The following SLC2A4RG variants were observed in gnomAD, a reference collection of about 807,000 sequenced individuals.
SLC2A4RG encodes GLUT4 enhancer factor.
A neutral mutation model predicts 35.5 loss-of-function variants in SLC2A4RG; 23 were observed. That is an observed-to-expected ratio of 0.65 (90% CI 0.47 to 0.92). SLC2A4RG has a LOEUF of 0.92. Ranked by LOEUF, SLC2A4RG falls within the 40% of genes least tolerant of loss-of-function variation. The pLI is 0.00. For missense variants in SLC2A4RG, 539 were observed against 525.0 expected (o/e 1.03, Z -0.26); for synonymous variants, 306 against 243.7 (o/e 1.26, Z -2.38).
chr20:63,741,540 C>G, intron 3 of SLC2A4RG, 61 bp downstream of exon 3: 2 of 1,453,592 alleles, frequency 1.4e-6, no homozygotes, highest in Non-Finnish European at 1.9e-6. Context: ...AACCTACAGC[C>G]ACCCAGCCTC....
At chr20:63,741,560 A>C (rs2092041622) in intron 3 of SLC2A4RG, 81 bp downstream of exon 3, 2 of 1,328,080 alleles carry the variant, frequency 1.5e-6, no homozygotes, top group Non-Finnish European at 2.1e-6. Flanking sequence ...CTGTGGGGCA[A>C]GCAGAGCCCT....
At position 63,740,358 on chromosome 20, in the gene SLC2A4RG, G is replaced by GC; in HGVS notation, c.127-14dup. ...CCCGGCCACCGCCTCCGCTGAGTCT[G>GC]CCCCCTCCCCATCCGCAGGGCTCTT... On this transcript the variant is annotated intron_variant, in intron 1 of 7. Coordinates refer to ENST00000266077, the MANE Select transcript of SLC2A4RG (RefSeq NM_020062.4). 1 of 1,225,012 alleles carries GC rather than the reference G, an allele frequency of 8.2e-7. No individual in the cohort carries two copies. Among genetic ancestry groups the GC allele is most frequent in the Non-Finnish European group, 1.0e-6 (1 of 982,716 alleles). The allele number at this position is 1,225,012 out of a possible 1,614,324, so 75.9% of individuals were successfully genotyped here. A position where few individuals can be genotyped will look rare whatever the true frequency, so the allele number is the denominator to read the frequency against.
Position 63,742,582 on chromosome 20 carries a change from C to CA in SLC2A4RG, c.927_928insA (p.Pro310ThrfsTer7). ...CCCCTGTCCTGAGCACCGTTGCTAA[C>CA]CCCCAGTCCTGTCACAGTGACCGTG... On this transcript the variant is annotated frameshift_variant, in exon 6 of 8. Coordinates refer to ENST00000266077, the MANE Select transcript of SLC2A4RG (RefSeq NM_020062.4). LOFTEE classifies it high-confidence loss of function. 1.9e-6 allele frequency: 3 copies of CA among 1,577,962 alleles called. No individual in the cohort carries two copies. The highest frequency in any genetic ancestry group is 2.6e-6 in the Non-Finnish European group (3 of 1,158,446).
Position 63,743,070 on chromosome 20 carries a change from A to G in SLC2A4RG, c.*80A>G, listed in dbSNP as rs1408774442. 7 of 979,144 alleles carry G rather than the reference A, an allele frequency of 7.1e-6. No homozygotes were observed. Among genetic ancestry groups the G allele is most frequent in the Middle Eastern group, 2.6e-4 (1 of 3,838 alleles). 60.7% of individuals were successfully genotyped at this position (979,144 alleles called of 1,614,324 possible). On this transcript the variant is annotated 3_prime_UTR_variant, in exon 8 of 8. Transcript: ENST00000266077. ...GGCCCGGGGCTGAAACAGCCCGAGG[A>G]CAGCCCCAGGGGCTGGCTTTCACCA... is the stretch of plus-strand genomic sequence containing the variant.
Position 63,742,706 on chromosome 20 carries a change from T to C in SLC2A4RG, c.968T>C (p.Leu323Pro). ...GGCTGTGTCTCCCTGTAGGGCTGCC[T>C]GACGCCCGCCCGCCTGGAGCCGCAG... ...CHSDRVYQGC[L>P]TPARLEPQPT... is the part of the protein sequence containing the mutation. Residue 323 changes from leucine (L) to proline (P), a missense_variant, in exon 7 of 8, where the codon CTG becomes CCG. By Grantham distance (98) the Leu-to-Pro change is moderately conservative. Coordinates refer to ENST00000266077, the MANE Select transcript of SLC2A4RG (RefSeq NM_020062.4). The C allele has an allele frequency of 1.3e-6, 2 of 1,594,710 alleles. No individual in the cohort carries two copies. Among genetic ancestry groups the C allele is most frequent in the Non-Finnish European group, 1.7e-6 (2 of 1,171,908 alleles).
At position 63,742,171 on chromosome 20, in the gene SLC2A4RG, C is replaced by T. The variant is rs768284669; in HGVS notation, c.621C>T (p.Cys207=). The T allele has an allele frequency of 2.0e-5, 32 of 1,604,588 alleles. No individual in the cohort carries two copies. Among genetic ancestry groups the T allele is most frequent in the Middle Eastern group, 3.3e-4 (2 of 6,072 alleles). The change falls in exon 5 of 8, where the codon TGC becomes TGT. Residue 207 remains cysteine (C), a synonymous_variant. Coordinates refer to ENST00000266077, the MANE Select transcript of SLC2A4RG (RefSeq NM_020062.4). Reference sequence around the variant, plus strand: ...TGTTCCAGTGTCTGTGGAAGAGCTGCGGGAAGGTGCTGAGCACGGCGTCGG... The same window carrying T: ...TGTTCCAGTGTCTGTGGAAGAGCTGTGGGAAGGTGCTGAGCACGGCGTCGG... ...QVMFQCLWKS[C]GKVLSTASAM...
intron 3 of SLC2A4RG, 121 bp from the exon 4 acceptor site, chr20:63,741,748 C>A: frequency 7.0e-7 from 1 of 1,438,520 alleles, no homozygotes; most frequent in Non-Finnish European, 9.1e-7. Flanking sequence ...GCCCTGGGGC[C>A]AGCTCCTCCA....
rs780239812 is a variant in SLC2A4RG, at chr20:63,741,954, GGACCTGGCCAGT to G, written c.482_493del (p.Leu161_Asp164del). The G allele has an allele frequency of 6.2e-7, 1 of 1,612,922 alleles. No individual in the cohort carries two copies. The highest frequency in any genetic ancestry group is 8.5e-7 in the Non-Finnish European group (1 of 1,179,828). ...GCAGCAACAGTGGAGACTGGGGATG[GGACCTGGCCAGT>G]GACCAGTCCTCTCCGTCCACCCCGT... On this transcript the variant is annotated inframe_deletion, in exon 4 of 8. Coordinates refer to ENST00000266077, the MANE Select transcript of SLC2A4RG (RefSeq NM_020062.4).
chr20:63,741,552 G>A (rs1347661502), intron 3 of SLC2A4RG, 73 bp downstream of exon 3: 16 of 1,388,718 alleles, frequency 1.2e-5, no homozygotes, highest in East Asian at 2.4e-5. Flanking sequence ...CCCAGCCTCT[G>A]TGGGGCAAGC....
chr20:63,739,780 TCCGGGCGGCGCGGCGCGGGCGGCGG>T lies in SLC2A4RG; in HGVS notation c.-128_-104del. 1 of 840,894 alleles carries T rather than the reference TCCGGGCGGCGCGGCGCGGGCGGCGG, an allele frequency of 1.2e-6. No individual in the cohort carries two copies. The highest frequency in any genetic ancestry group is 5.6e-5 in the South Asian group (1 of 17,966). The allele number at this position is 840,894 out of a possible 1,614,324, so 52.1% of individuals were successfully genotyped here. A position where few individuals can be genotyped will look rare whatever the true frequency, so the allele number is the denominator to read the frequency against. ...GCGGGGCGGGGCGGGCCGGGCAGCC[TCCGGGCGGCGCGGCGCGGGCGGCGG>T]CCGGATCCAGGGCGGGGGTCGGCGG... On this transcript the variant is annotated 5_prime_UTR_variant, in exon 1 of 8. Transcript: ENST00000266077.
At chr20:63,740,664 G>T (rs543033453) in intron 2 of SLC2A4RG, 133 bp downstream of exon 2, 517 of 908,700 alleles carry the variant, frequency 5.7e-4, no homozygotes, top group Non-Finnish European at 6.9e-4. Context: ...AAGCTCTTCA[G>T]CCCTGGAGGA....
intron 1 of SLC2A4RG, 112 bp from the exon 2 acceptor site, chr20:63,740,265 C>A (rs1400331513): frequency 4.0e-6 from 3 of 753,998 alleles, no homozygotes; most frequent in Non-Finnish European, 5.3e-6. Context: ...GCCGTCCACA[C>A]CGGCCGCAGC....
chr20:63,743,227 C>A lies in SLC2A4RG; in HGVS notation c.*237C>A. The A allele has an allele frequency of 2.2e-6, 1 of 462,662 alleles. No individual in the cohort carries two copies. The highest frequency in any genetic ancestry group is 3.9e-6 in the Non-Finnish European group (1 of 256,170). The allele number at this position is 462,662 out of a possible 1,614,324, so 28.7% of individuals were successfully genotyped here. ...ACCAGCTTTTTGCACTAAAGCCAAACCACACCGCTGTCCCCTTAGCCCCAA... is the reference window on the plus strand; with the variant it reads ...ACCAGCTTTTTGCACTAAAGCCAAAACACACCGCTGTCCCCTTAGCCCCAA... On this transcript the variant is annotated 3_prime_UTR_variant, in exon 8 of 8. Coordinates refer to ENST00000266077, the MANE Select transcript of SLC2A4RG (RefSeq NM_020062.4).
intron 1 of SLC2A4RG, 139 bp downstream of exon 1, chr20:63,740,177 CCCGCCGGGGCT>C (rs1417348588): frequency 7.5e-6 from 3 of 399,824 alleles, no homozygotes; most frequent in African/African-American, 2.2e-5. Flanking sequence ...GTCCGTGGGT[CCCGCCGGGGCT>C]GCGCCGGGCG....
chr20:63,741,935 A>G lies in SLC2A4RG; in HGVS notation c.458A>G (p.Asn153Ser). The G allele has an allele frequency of 1.2e-6, 2 of 1,612,612 alleles. No individual in the cohort carries two copies. The highest frequency in any genetic ancestry group is 2.2e-5 in the South Asian group (2 of 91,038). Residue 153 changes from asparagine (N) to serine (S), a missense_variant, in exon 4 of 8, where the codon AAC becomes AGC. Coordinates refer to ENST00000266077, the MANE Select transcript of SLC2A4RG (RefSeq NM_020062.4). ...RPPGSYSSSSNSGDWGWDLAS... is the reference protein window; with the variant it reads ...RPPGSYSSSSSSGDWGWDLAS... ...CCAGGCAGCTACAGCAGCAGCAGCA[A>G]CAGTGGAGACTGGGGATGGGACCTG...
In SLC2A4RG at chr20:63,743,033, C is replaced by A; in HGVS notation, c.*43C>A. On this transcript the variant is annotated 3_prime_UTR_variant, in exon 8 of 8. Transcript: ENST00000266077. ...ACATAAGCTACCACCTTCTCCCTCC[C>A]CACCCCCTCCAGGCCCGGGGCTGAA... 6.6e-7 allele frequency: 1 copy of A among 1,503,804 alleles called. No homozygotes were observed. Among genetic ancestry groups the A allele is most frequent in the Non-Finnish European group, 9.0e-7 (1 of 1,110,736 alleles). 93.2% of individuals were successfully genotyped at this position (1,503,804 alleles called of 1,614,324 possible).
rs751807781 is a variant in SLC2A4RG at position 63,742,034 on chromosome 20, A to G, written c.557A>G (p.Glu186Gly). The stretch of plus-strand genomic sequence containing the variant: ...GAGGCAGCCCACTTTCTGTTTGGGG[A>G]GCCCACCCTGAGAAAAAGGAAGGTG... Reference protein sequence around the residue: ...PPEAAHFLFGEPTLRKRKSPA... With the variant: ...PPEAAHFLFGGPTLRKRKSPA... The change falls in exon 4 of 8, where the codon GAG (glutamate) becomes GGG (glycine). Residue 186 changes from glutamate to glycine, a missense_variant. Transcript: ENST00000266077. The G allele has an allele frequency of 6.2e-7, 1 of 1,611,362 alleles. No homozygotes were observed. Among genetic ancestry groups the G allele is most frequent in the African/African-American group, 1.3e-5 (1 of 74,752 alleles).
Position 63,740,426 on chromosome 20 carries a change from A to G in SLC2A4RG, c.176A>G (p.Gln59Arg). 4 of 1,230,016 alleles carry G rather than the reference A, an allele frequency of 3.3e-6. No individual in the cohort carries two copies. The highest frequency in any genetic ancestry group is 4.1e-6 in the Non-Finnish European group (4 of 985,984). 76.2% of individuals were successfully genotyped at this position (1,230,016 alleles called of 1,614,324 possible). ...GCGGGCTTGGAGTTCGCGCGGCCGC[A>G]GGAGTCGGAGCCGCGGGCCTCGGAC... ...GFAGLEFARP[Q>R]ESEPRASDLG... Residue 59 changes from glutamine (Q) to arginine (R), a missense_variant, in exon 2 of 8, where the codon CAG becomes CGG. Transcript: ENST00000266077.
Position 63,740,027 on chromosome 20 carries a change from A to T in SLC2A4RG, c.115A>T (p.Thr39Ser). 3.1e-6 allele frequency: 3 copies of T among 980,246 alleles called. No homozygotes were observed. The highest frequency in any genetic ancestry group is 3.6e-6 in the Non-Finnish European group (3 of 827,850). The allele number at this position is 980,246 out of a possible 1,614,324, so 60.7% of individuals were successfully genotyped here. ...GCGCGCCGCGCCCGTGACGGTGCCC[A>T]CGCCGCCGCAGGTACCGGGCGCCGG... ...GPRAAPVTVP[T>S]PPQGSSVGGG... Residue 39 changes from threonine (T) to serine (S), a missense_variant, in exon 1 of 8, where the codon ACG (threonine) becomes TCG (serine). Transcript: ENST00000266077.
Sources: allele counts gnomAD v4.1 joint callset, GRCh38; gene constraint gnomAD v4.1.1; transcripts MANE v1.5; gene names NCBI Gene and HGNC (gene_info 2026-07-23, HGNC 2026-07-21).